STK11: variants seen among roughly 807,000 people sequenced by gnomAD.
The protein encoded by STK11 is serine/threonine kinase 11.
A neutral mutation model predicts 47.3 loss-of-function variants in STK11; 8 were observed. The observed-to-expected ratio is 0.17, with a 90% confidence interval of 0.10 to 0.31. The LOEUF is 0.31. Among genes scored for constraint, STK11 ranks in the 10% least tolerant of loss-of-function variants. STK11 has a pLI of 1.00. For missense variants in STK11, 475 were observed against 605.0 expected, an observed-to-expected ratio of 0.79 and a Z score of 2.25; for synonymous variants, 330 against 255.8, an observed-to-expected ratio of 1.29 and a Z score of -2.77.
chr19:1,222,019 T>TG lies in STK11; in HGVS notation c.920+18dup. The TG allele has an allele frequency of 6.4e-7, 1 of 1,562,390 alleles. No homozygotes were observed. Among genetic ancestry groups the TG allele is most frequent in the Non-Finnish European group, 8.7e-7 (1 of 1,154,094 alleles). On this transcript the variant is annotated intron_variant, in intron 7 of 9. Coordinates refer to ENST00000326873, the MANE Select transcript of STK11 (RefSeq NM_000455.5). ...TCCGGCAGCACAGGTGAGCGGCCCC[T>TG]GGGGGCAGTGGGGCCGAGGCTGCAG...
Position 1,220,734 on chromosome 19 carries a change from C to A in STK11, c.734+17C>A, listed in dbSNP as rs751929304. ...GGTCACCCTGTAAGTGCCCCGCCCC[C>A]CCGGGCACTCACCACACGCACACTC... On this transcript the variant is annotated intron_variant, in intron 5 of 9. Coordinates refer to ENST00000326873, the MANE Select transcript of STK11 (RefSeq NM_000455.5). 2.5e-6 allele frequency: 4 copies of A among 1,600,552 alleles called. No individual in the cohort carries two copies. The highest frequency in any genetic ancestry group is 3.4e-5 in the Admixed American group (2 of 59,368).
rs2080668517 is a variant in STK11 at position 1,206,796 on chromosome 19, CCTTTT to C, written c.-117_-113del. ...TCCCTTCCTTTTGGGGTTTTTGTTGCCTTTTTTTTTTCTTTTTTCTTTGTAAAATT... is the reference window on the plus strand; with the variant it reads ...TCCCTTCCTTTTGGGGTTTTTGTTGCTTTTTTCTTTTTTCTTTGTAAAATT... On this transcript the variant is annotated 5_prime_UTR_variant, in exon 1 of 10. Transcript: ENST00000326873. 10 of 1,303,404 alleles carry C rather than the reference CCTTTT, an allele frequency of 7.7e-6. No homozygotes were observed. Among genetic ancestry groups the C allele is most frequent in the Non-Finnish European group, 1.0e-5 (10 of 975,048 alleles). The allele number at this position is 1,303,404 out of a possible 1,614,324, so 80.7% of individuals were successfully genotyped here. A position where few individuals can be genotyped will look rare whatever the true frequency, so the allele number is the denominator to read the frequency against.
intron 6 of STK11, 66 bp downstream of exon 6, chr19:1,221,406 T>TG: frequency 6.6e-7 from 1 of 1,505,116 alleles, no homozygotes; most frequent in Non-Finnish European, 8.9e-7. Context: ...AATGTAGGGT[T>TG]GGGGGTGTCA....
rs1555740975 is a variant in STK11 at position 1,228,224 on chromosome 19, T to A, written c.*648T>A. 5 of 801,504 alleles carry A rather than the reference T, an allele frequency of 6.2e-6. No homozygotes were observed. The highest frequency in any genetic ancestry group is 6.3e-6 in the Non-Finnish European group (4 of 638,562). The allele number at this position is 801,504 out of a possible 1,614,324, so 49.6% of individuals were successfully genotyped here. ...GCGGCCCGGCCGGAGGGCAGGACCC[T>A]CACCTCTCCCCCAAGGCCACTGCGC... On this transcript the variant is annotated 3_prime_UTR_variant, in exon 10 of 10. Coordinates refer to ENST00000326873, the MANE Select transcript of STK11 (RefSeq NM_000455.5).
intron 1 of STK11, among the ~76,000 whole-genome samples, chr19:1,216,008 C>T (rs564358211): frequency 1.6e-4 from 25 of 152,084 alleles, no homozygotes; most frequent in African/African-American, 5.3e-4. Context: ...GTCGGGATTA[C>T]AGGCGTGAGT....
rs747545317 is a variant in STK11, at chr19:1,226,544, T to A, written c.1199T>A (p.Leu400Gln). ...ATGAACGGCACAGAGGCGGCGCAGC[T>A]GAGCACCAAATCCAGGGCGGAGGGC... ...VCMNGTEAAQLSTKSRAEGRA... is the reference protein window; with the variant it reads ...VCMNGTEAAQQSTKSRAEGRA... Residue 400 changes from leucine (L) to glutamine (Q), a missense_variant, in exon 9 of 10, where the codon CTG (leucine) becomes CAG (glutamine). This residue lies in a region of STK11 where 219 missense variants were observed against 189.2 expected (regional missense o/e 1.16). Transcript: ENST00000326873. 16 of 1,604,778 alleles carry A rather than the reference T, an allele frequency of 1.0e-5. No individual in the cohort carries two copies. The highest frequency in any genetic ancestry group is 1.4e-5 in the Non-Finnish European group (16 of 1,176,808).
intron 9 of STK11, 76 bp from the exon 10 acceptor site, chr19:1,227,517 C>T (rs2080834161): frequency 2.8e-6 from 3 of 1,060,432 alleles, no homozygotes; most frequent in African/African-American, 1.6e-5. Flanking sequence ...TCAGCTTCTC[C>T]ATCCTCCCAG....
chr19:1,226,628 C>A lies in STK11; in HGVS notation c.1283C>A (p.Ser428Ter), dbSNP rs587781537. ...GCCAGCAGCAAGATCCGCCGGCTGT[C>A]GGCCTGCAAGCAGCAGTGAGGCTGG... ...CSASSKIRRL[S>*]ACKQQ The change falls in exon 9 of 10, where the codon TCG (serine) becomes TAG (stop). Residue 428 changes from serine to a stop codon, truncating the protein, a stop_gained. Coordinates refer to ENST00000326873, the MANE Select transcript of STK11 (RefSeq NM_000455.5). LOFTEE classifies it high-confidence loss of function. 1 of 1,542,538 alleles carries A rather than the reference C, an allele frequency of 6.5e-7. No homozygotes were observed. The highest frequency in any genetic ancestry group is 8.7e-7 in the Non-Finnish European group (1 of 1,144,728).
chr19:1,213,072 C>T (rs188227643), intron 1 of STK11, among the ~76,000 whole-genome samples: 2 of 146,154 alleles, frequency 1.4e-5, no homozygotes, highest in Admixed American at 1.4e-4. Context: ...TCTTGGCTCA[C>T]TGCAAGCTCT....
In STK11 at chr19:1,228,112, G is replaced by C; in HGVS notation, c.*536G>C. The stretch of plus-strand genomic sequence containing the variant: ...TGGATTTGAGCTGTGGCTGTGAGGG[G>C]TGTTTGGGAGCTGCTGGGTGGCAGG... On this transcript the variant is annotated 3_prime_UTR_variant, in exon 10 of 10. Transcript: ENST00000326873. The C allele has an allele frequency of 9.4e-7, 1 of 1,065,640 alleles. No individual in the cohort carries two copies. The highest frequency in any genetic ancestry group is 1.1e-6 in the Non-Finnish European group (1 of 879,484). The allele number at this position is 1,065,640 out of a possible 1,614,324, so 66.0% of individuals were successfully genotyped here.
intron 7 of STK11, 80 bp downstream of exon 7, chr19:1,222,086 G>A (rs2145429154): frequency 6.7e-7 from 1 of 1,496,940 alleles, no homozygotes; most frequent in Admixed American, 2.0e-5. Flanking sequence ...GGGCGCTAGA[G>A]CAGGGCGTGG....
At chr19:1,226,905 G>C (rs1599932942) in intron 9 of STK11, 4 of 517,930 alleles carry the variant, frequency 7.7e-6, no homozygotes, top group Non-Finnish European at 1.0e-5. Context: ...CTGGGGGGGC[G>C]TGCCGTCCTC....
At chr19:1,225,972 C>G (rs1468417983) in intron 8 of STK11, 4 of 993,088 alleles carry the variant, frequency 4.0e-6, no homozygotes, top group Non-Finnish European at 4.8e-6. Context: ...AGGCTGAGCT[C>G]TGCTCCCCGC....
intron 1 of STK11, among the ~76,000 whole-genome samples, chr19:1,213,460 G>T (rs1053847932): frequency 6.6e-6 from 1 of 152,142 alleles, no homozygotes; most frequent in African/African-American, 2.4e-5. Flanking sequence ...CGGCACCCAC[G>T]CATTCCCTTC....
At chr19:1,214,316 C>T (rs903085095) in intron 1 of STK11, among the ~76,000 whole-genome samples, 7 of 152,238 alleles carry the variant, frequency 4.6e-5, no homozygotes, top group Admixed American at 4.6e-4. Context: ...ACGCACGTGC[C>T]TGCGCAGAAT....
At chr19:1,224,551 C>T (rs2080807829) in intron 8 of STK11, 4 of 985,494 alleles carry the variant, frequency 4.1e-6, no homozygotes, top group South Asian at 4.7e-5. Flanking sequence ...AGGCAGGTTG[C>T]GAGAGTCCCT....
At chr19:1,224,547 G>A in intron 8 of STK11, 2 of 985,520 alleles carry the variant, frequency 2.0e-6, no homozygotes, top group Non-Finnish European at 2.4e-6. Flanking sequence ...GCCCAGGCAG[G>A]TTGCGAGAGT....
chr19:1,224,821 G>A, intron 8 of STK11: 1 of 985,572 alleles, frequency 1.0e-6, no homozygotes, highest in Non-Finnish European at 1.2e-6. Context: ...TGAGGCCTCA[G>A]TACTCAGTAC....
chr19:1,211,460 TGG>T (rs113785486), intron 1 of STK11, among the ~76,000 whole-genome samples: 2,531 of 138,382 alleles, frequency 0.018, 62 homozygotes, highest in African/African-American at 0.053. Context: ...AGTGGGGTTC[TGG>T]GGGGGGGGGT....
Sources: gnomAD v4.1 joint callset for allele counts (sites outside exome capture counted in the v4.1 genomes callset) on GRCh38, gnomAD v4.1.1 for gene constraint, gnomAD v4.1.1 regional missense constraint, MANE v1.5 for transcripts, NCBI Gene and HGNC (gene_info 2026-07-23, HGNC 2026-07-21) for gene names.